The following KANSL1 variants were observed in gnomAD, a reference collection of about 807,000 sequenced individuals.
The protein encoded by KANSL1 is KAT8 regulatory NSL complex subunit 1, also known as MLL1/MLL complex subunit KANSL1.
A neutral mutation model predicts 103.6 loss-of-function variants in KANSL1; 22 were observed. That is an observed-to-expected ratio of 0.21 (90% CI 0.15 to 0.30). The LOEUF (loss-of-function observed/expected upper bound fraction) is 0.30, where lower values mean the gene tolerates loss of function less well. KANSL1 is among the 10% of genes least tolerant of loss of function. KANSL1 has a pLI of 1.00. For missense variants in KANSL1, 1,337 were observed against 1,399.8 expected (o/e 0.96, Z 0.72); for synonymous variants, 600 against 527.6 (o/e 1.14, Z -1.88).
At chr17:46,136,309 C>A (rs141868499) in intron 2 of KANSL1, among the ~76,000 whole-genome samples, 1 of 152,350 alleles carries the variant, frequency 6.6e-6, no homozygotes, top group Admixed American at 6.5e-5. Flanking sequence ...ACTCTTACTT[C>A]TCTGAAGCCT....
rs372293710 is a variant in KANSL1 at position 46,171,420 on chromosome 17, G to T, written c.724C>A (p.Leu242Ile). 4 of 1,614,070 alleles carry T rather than the reference G, an allele frequency of 2.5e-6. No homozygotes were observed. The highest frequency in any genetic ancestry group is 3.4e-6 in the Non-Finnish European group (4 of 1,180,000). The change falls in exon 2 of 15, where the codon CTT (leucine) becomes ATT (isoleucine). Residue 242 changes from leucine (L) to isoleucine (I), a missense_variant. Leu to Ile is a conservative substitution (Grantham distance 5). Transcript: ENST00000432791. Reference sequence around the variant, plus strand: ...GGTGATAATCTACTGCTTCCTTGAAGTGCCGGCTGTTCCATGGAATTGACA... The same window carrying T: ...GGTGATAATCTACTGCTTCCTTGAATTGCCGGCTGTTCCATGGAATTGACA... Reference protein sequence around the residue: ...SSVNSMEQPALQGSSRLSPGT... With the variant: ...SSVNSMEQPAIQGSSRLSPGT...
At chr17:46,165,223 T>TTTTATA (rs2045935406) in intron 2 of KANSL1, among the ~76,000 whole-genome samples, 1 of 112,828 alleles carries the variant, frequency 8.9e-6, no homozygotes, top group African/African-American at 2.6e-5. Context: ...AGTTACTTTT[T>TTTTATA]TTTATTTTTA....
At chr17:46,104,006 C>T (rs1391785982) in intron 2 of KANSL1, among the ~76,000 whole-genome samples, 3 of 152,054 alleles carry the variant, frequency 2.0e-5, no homozygotes, top group South Asian at 4.1e-4. Flanking sequence ...CTAGCCTGGG[C>T]GACAGAGTGA....
intron 1 of KANSL1, among the ~76,000 whole-genome samples, chr17:46,185,692 T>TATACAC (rs754864409): frequency 0.015 from 2,169 of 144,314 alleles, 71 homozygotes; most frequent in African/African-American, 0.056. Context: ...CACACATATA[T>TATACAC]ACACACACAC....
At chr17:46,208,094 G>GA (rs34847058) in intron 1 of KANSL1, among the ~76,000 whole-genome samples, 21,994 of 151,166 alleles carry the variant, frequency 0.15, 2,198 homozygotes, top group Middle Eastern at 0.22. Flanking sequence ...CTGGGTGAAA[G>GA]GCAAAAATCC....
At position 46,171,532 on chromosome 17, in the gene KANSL1, A is replaced by G; in HGVS notation, c.612T>C (p.Gly204=). 1 of 1,612,586 alleles carries G rather than the reference A, an allele frequency of 6.2e-7. No homozygotes were observed. Among genetic ancestry groups the G allele is most frequent in the Non-Finnish European group, 8.5e-7 (1 of 1,179,482 alleles). The change falls in exon 2 of 15, where the codon GGT becomes GGC. Residue 204 remains glycine (G), a synonymous_variant. Coordinates refer to ENST00000432791, the MANE Select transcript of KANSL1 (RefSeq NM_015443.4). ...TATGTGGAAGAGTGCAATTGGTCAT[A>G]CCCCCCTTCAAGTCCCCAGATTCAG... ...GGSESGDLKG[G]MTNCTLPHRS... is the part of the protein sequence containing the mutation.
intron 2 of KANSL1, among the ~76,000 whole-genome samples, chr17:46,106,055 C>T (rs978262418): frequency 2.0e-5 from 3 of 152,168 alleles, no homozygotes; most frequent in African/African-American, 7.2e-5. Flanking sequence ...AACTTGCCTC[C>T]GGCTATCTCT....
chr17:46,170,590 CATAAG>C (rs1411613877), intron 2 of KANSL1: 6 of 484,618 alleles, frequency 1.2e-5, no homozygotes, highest in South Asian at 4.1e-5. Flanking sequence ...CAATTTTACA[CATAAG>C]ATGTCTCCTA....
At chr17:46,200,317 G>C (rs2047756131) in intron 1 of KANSL1, among the ~76,000 whole-genome samples, 1 of 152,138 alleles carries the variant, frequency 6.6e-6, no homozygotes, top group South Asian at 2.1e-4. Flanking sequence ...GAAACATAAA[G>C]GTAAATATGC....
At chr17:46,105,131 G>T (rs1373629938) in intron 2 of KANSL1, among the ~76,000 whole-genome samples, 2 of 152,148 alleles carry the variant, frequency 1.3e-5, no homozygotes, top group Non-Finnish European at 2.9e-5. Context: ...CTTCTTTAGA[G>T]AATAAGACTG....
chr17:46,180,711 C>G (rs2147826127), intron 1 of KANSL1, among the ~76,000 whole-genome samples: 1 of 152,074 alleles, frequency 6.6e-6, no homozygotes, highest in Admixed American at 6.5e-5. Context: ...CAAACAAAGA[C>G]AGCAGAGGCC....
chr17:46,073,299 G>A (rs952010403), intron 4 of KANSL1, among the ~76,000 whole-genome samples: 6 of 152,204 alleles, frequency 3.9e-5, no homozygotes, highest in Non-Finnish European at 7.3e-5. Context: ...AAAGTAGGAT[G>A]AGCAAGGAAA....
Position 46,172,197 on chromosome 17 carries a change from G to C in KANSL1, c.-54C>G, listed in dbSNP as rs548814710. The C allele has an allele frequency of 7.9e-6, 12 of 1,520,142 alleles. No individual in the cohort carries two copies. Among genetic ancestry groups the C allele is most frequent in the Non-Finnish European group, 3.6e-6 (4 of 1,123,892 alleles). 94.2% of individuals were successfully genotyped at this position (1,520,142 alleles called of 1,614,324 possible). On this transcript the variant is annotated 5_prime_UTR_variant, in exon 2 of 15. Coordinates refer to ENST00000432791, the MANE Select transcript of KANSL1 (RefSeq NM_015443.4). ...TCTCCCGATGCCGAGGCCGAGGCCAGCTCCACGGCCCCTTACTGCCTCCCC... is the reference window on the plus strand; with the variant it reads ...TCTCCCGATGCCGAGGCCGAGGCCACCTCCACGGCCCCTTACTGCCTCCCC...
At chr17:46,185,069 C>T (rs2046956416) in intron 1 of KANSL1, among the ~76,000 whole-genome samples, 1 of 152,054 alleles carries the variant, frequency 6.6e-6, no homozygotes, top group African/African-American at 2.4e-5. Context: ...CCTCGTGATT[C>T]GCCAGCCTCG....
intron 1 of KANSL1, among the ~76,000 whole-genome samples, chr17:46,207,439 G>T (rs2048007357): frequency 6.6e-6 from 1 of 151,630 alleles, no homozygotes; most frequent in African/African-American, 2.4e-5. Flanking sequence ...AACCCAGGAG[G>T]CAGAGATTGC....
intron 1 of KANSL1, chr17:46,214,996 G>T (rs1188858760): frequency 1.3e-5 from 2 of 152,288 alleles, no homozygotes; most frequent in African/African-American, 4.8e-5. Context: ...ATCATAAAGT[G>T]ATAATACCTG....
intron 3 of KANSL1, among the ~76,000 whole-genome samples, chr17:46,089,383 C>A (rs1429807071): frequency 6.6e-6 from 1 of 150,996 alleles, no homozygotes; most frequent in Admixed American, 6.7e-5. Context: ...AATCACCTAG[C>A]AGTAGTCACA....
chr17:46,146,172 C>T (rs2044689229), intron 2 of KANSL1, among the ~76,000 whole-genome samples: 1 of 152,220 alleles, frequency 6.6e-6, no homozygotes, highest in East Asian at 1.9e-4. Flanking sequence ...GTGAAAAGCA[C>T]TAAAATAAAT....
intron 1 of KANSL1, among the ~76,000 whole-genome samples, chr17:46,186,708 T>C (rs1263011368): frequency 6.6e-6 from 1 of 152,158 alleles, no homozygotes; most frequent in Non-Finnish European, 1.5e-5. Context: ...TTCCTGACAG[T>C]TCAACTTATC....
Sources: allele counts gnomAD v4.1 joint callset (sites outside exome capture counted in the v4.1 genomes callset), GRCh38; gene constraint gnomAD v4.1.1; transcripts MANE v1.5; gene names NCBI Gene and HGNC (gene_info 2026-07-23, HGNC 2026-07-21).